Variants in MECR observed in about 807,000 individuals in gnomAD.
The protein encoded by MECR is enoyl-[acyl-carrier-protein] reductase, mitochondrial.
Under a neutral mutation model 49.1 loss-of-function variants are expected in MECR, and 37 were observed. The observed-to-expected ratio is 0.75, with a 90% CI of 0.58 to 0.99. MECR has a LOEUF of 0.99. Among genes scored for constraint, MECR ranks in the 50% least tolerant of loss-of-function variants. The pLI is 0.00. For missense variants in MECR, 470 were observed against 479.6 expected, an observed-to-expected ratio of 0.98 and a Z score of 0.19; for synonymous variants, 198 against 191.1, an observed-to-expected ratio of 1.04 and a Z score of -0.30.
the MECR span, among the ~76,000 whole-genome samples, chr1:29,175,445 C>T: frequency 6.6e-6 from 1 of 151,244 alleles, no homozygotes; most frequent in African/African-American, 2.4e-5. Flanking sequence ...CCTGTAATCC[C>T]AGCACTTTGG....
chr1:29,228,603 A>G (rs1280816580), intron 1 of MECR, among the ~76,000 whole-genome samples: 2 of 152,176 alleles, frequency 1.3e-5, no homozygotes, highest in Admixed American at 1.3e-4. Context: ...GGCATGAGCC[A>G]TCGCGCCCGG....
At chr1:29,176,598 T>C in the MECR span, among the ~76,000 whole-genome samples, 1 of 151,498 alleles carries the variant, frequency 6.6e-6, no homozygotes, top group Non-Finnish European at 1.5e-5. Context: ...AATTCAGGAG[T>C]CAAAAGAGAA....
At chr1:29,208,241 C>G (rs1677104028) in intron 3 of MECR, among the ~76,000 whole-genome samples, 1 of 152,240 alleles carries the variant, frequency 6.6e-6, no homozygotes. Flanking sequence ...ATCCGCCCGC[C>G]TCGGCCTCCC....
chr1:29,225,213 C>T (rs1206404312), intron 1 of MECR, among the ~76,000 whole-genome samples: 1 of 152,192 alleles, frequency 6.6e-6, no homozygotes, highest in Admixed American at 6.5e-5. Context: ...TCAGCAGACA[C>T]CTTTCTCACA....
At chr1:29,223,275 G>C in intron 1 of MECR, 1 of 985,428 alleles carries the variant, frequency 1.0e-6, no homozygotes, top group Non-Finnish European at 1.2e-6. Context: ...GATGCCATAT[G>C]AAGTACAAGG....
chr1:29,191,334 C>T (rs1018566165), downstream of MECR, among the ~76,000 whole-genome samples: 1 of 152,008 alleles, frequency 6.6e-6, no homozygotes, highest in African/African-American at 2.4e-5. Flanking sequence ...GACAGAGTCT[C>T]TCTCTCTTGC....
the MECR span, chr1:29,173,133 T>TA: frequency 1.5e-4 from 15 of 99,252 alleles, no homozygotes; most frequent in African/African-American, 5.5e-4. Flanking sequence ...AAAAAGGCTT[T>TA]TTTTTTTTTT....
chr1:29,190,531 C>T (rs999219067), downstream of MECR, among the ~76,000 whole-genome samples: 3 of 152,048 alleles, frequency 2.0e-5, no homozygotes, highest in Non-Finnish European at 4.4e-5. Flanking sequence ...CAGTGGCTTA[C>T]ACCTGTAATC....
chr1:29,204,768 C>G (rs777477827), intron 4 of MECR, among the ~76,000 whole-genome samples: 4 of 152,176 alleles, frequency 2.6e-5, no homozygotes, highest in Non-Finnish European at 5.9e-5. Context: ...GGCTTTAGGG[C>G]ATGGGATGCA....
chr1:29,227,942 C>T (rs2151923394), intron 1 of MECR, among the ~76,000 whole-genome samples: 1 of 152,296 alleles, frequency 6.6e-6, no homozygotes, highest in East Asian at 1.9e-4. Flanking sequence ...TCTGTATCCA[C>T]AAGGCAGTGG....
In MECR at chr1:29,203,192, GC is replaced by G; in HGVS notation, c.591del (p.Gln198LysfsTer12). 6.3e-7 allele frequency: 1 copy of G among 1,584,306 alleles called. No homozygotes were observed. The highest frequency in any genetic ancestry group is 8.6e-7 in the Non-Finnish European group (1 of 1,161,522). On this transcript the variant is annotated frameshift_variant, in exon 5 of 10. Coordinates refer to ENST00000263702, the MANE Select transcript of MECR (RefSeq NM_016011.5). LOFTEE classifies it high-confidence loss of function. ...VIQNASNSGVGQAVIQIAAAL... is the reference protein window; with the variant it reads ...VIQNASNSGVXQAVIQIAAAL... ...GCTGCGGCGATCTGGATGACTGCTT[GC>G]CCCACTCCGCTGTTGGATGCATTCT...
the MECR span, among the ~76,000 whole-genome samples, chr1:29,187,048 G>C: frequency 6.6e-6 from 1 of 152,180 alleles, no homozygotes. Context: ...GCAAGCAGAT[G>C]TTGTGCCAGG....
At chr1:29,226,065 A>G (rs1046502345) in intron 1 of MECR, among the ~76,000 whole-genome samples, 10 of 147,090 alleles carry the variant, frequency 6.8e-5, no homozygotes, top group African/African-American at 2.5e-4. Flanking sequence ...GCTACTCAGG[A>G]GGCTGAGGCA....
At chr1:29,170,660 G>T in the MECR span, 2 of 152,250 alleles carry the variant, frequency 1.3e-5, no homozygotes, top group South Asian at 4.1e-4. Context: ...CTTTTAAAAT[G>T]GATGGATCAA....
In MECR at chr1:29,203,268, G is replaced by A. The variant is rs140632883; in HGVS notation, c.551-35C>T. On this transcript the variant is annotated intron_variant, in intron 4 of 9. Transcript: ENST00000263702. ...CAGGAAGAGAACCAAATCAAGCCCTGTATAGATCTGCAATAGGTCAAAGGC... is the reference window on the plus strand; with the variant it reads ...CAGGAAGAGAACCAAATCAAGCCCTATATAGATCTGCAATAGGTCAAAGGC... The A allele has an allele frequency of 6.7e-4, 1,000 of 1,501,650 alleles. 2 individuals are homozygous for A. The African/African-American group carries it at 0.013, about 19-fold the overall frequency. The allele number at this position is 1,501,650 out of a possible 1,614,324, so 93.0% of individuals were successfully genotyped here.
the MECR span, among the ~76,000 whole-genome samples, chr1:29,183,405 C>A: frequency 1.0e-3 from 154 of 151,664 alleles, no homozygotes; most frequent in African/African-American, 3.3e-3. Context: ...TTCTCTCTCT[C>A]TCTATATATA....
chr1:29,209,185 G>C (rs529903530), intron 3 of MECR, among the ~76,000 whole-genome samples: 2 of 151,986 alleles, frequency 1.3e-5, no homozygotes, highest in African/African-American at 2.4e-5. Context: ...GAATGTACGT[G>C]TAACACAAGC....
chr1:29,178,353 C>CTTCTTT, the MECR span, among the ~76,000 whole-genome samples: 6 of 127,886 alleles, frequency 4.7e-5, 1 homozygote, highest in Admixed American at 8.2e-5. Context: ...GTTTCAATTA[C>CTTCTTT]TTTTTTTTTT....
chr1:29,186,778 G>A, the MECR span, among the ~76,000 whole-genome samples: 112 of 152,304 alleles, frequency 7.4e-4, no homozygotes, highest in African/African-American at 2.7e-3. Flanking sequence ...AAAGAATTGG[G>A]ACTGTCTGCT....
Sources: gnomAD v4.1 joint callset for allele counts (sites outside exome capture counted in the v4.1 genomes callset) on GRCh38, gnomAD v4.1.1 for gene constraint, MANE v1.5 for transcripts, NCBI Gene and HGNC (gene_info 2026-07-23, HGNC 2026-07-21) for gene names.